PLCL2: variants seen among roughly 807,000 people sequenced by gnomAD.
The protein encoded by PLCL2 is inactive phospholipase C-like protein 2.
PLCL2 carries 4 observed loss-of-function variants against 79.6 expected under a neutral mutation model. The ratio of observed to expected loss-of-function variants is 0.05; its 90% CI spans 0.02 to 0.11. PLCL2 has a LOEUF of 0.11. PLCL2 is among the 10% of genes least tolerant of loss of function. The pLI is 1.00. For missense variants in PLCL2, 895 were observed against 1,291.0 expected (o/e 0.69, Z 4.70); for synonymous variants, 484 against 457.7 (o/e 1.06, Z -0.73).
At chr3:16,977,262 G>C in intron 1 of PLCL2, among the ~76,000 whole-genome samples, 1 of 151,950 alleles carries the variant, frequency 6.6e-6, no homozygotes. Flanking sequence ...GTATATCCTA[G>C]AACATAGTCC....
At position 16,887,253 on chromosome 3, in the gene PLCL2, T is replaced by C. The variant is rs1696247491; in HGVS notation, c.327+1887T>C. On this transcript the variant is annotated intron_variant, in intron 1 of 5. Coordinates refer to ENST00000615277, the MANE Select transcript of PLCL2 (RefSeq NM_001144382.2). This position sits in a 1 kb window ranked among gnomAD's most constrained non-coding sequence, Gnocchi z 4.1. ...TAAGGATATTTTGTCATTTTTCTTCTTTGTAAAGAAAGCATTTGGCTTCTT... is the reference window on the plus strand; with the variant it reads ...TAAGGATATTTTGTCATTTTTCTTCCTTGTAAAGAAAGCATTTGGCTTCTT... Among the ~76,000 whole-genome samples, 1 of 152,236 alleles carries C rather than the reference T, an allele frequency of 6.6e-6. No homozygotes were observed.
At chr3:17,040,382 G>A (rs2064707402) in intron 3 of PLCL2, among the ~76,000 whole-genome samples, 1 of 152,152 alleles carries the variant, frequency 6.6e-6, no homozygotes, top group African/African-American at 2.4e-5. Flanking sequence ...ACTTAAACTG[G>A]AAGATGATTC....
intron 4 of PLCL2, among the ~76,000 whole-genome samples, chr3:17,050,328 A>G (rs1007447872): frequency 6.6e-6 from 1 of 152,210 alleles, no homozygotes; most frequent in African/African-American, 2.4e-5. Flanking sequence ...ATGGGATCAC[A>G]TCAAGTTAAA....
rs536667295 is a variant in PLCL2 at position 17,060,862 on chromosome 3, T to A, written c.3095-7094T>A. On this transcript the variant is annotated intron_variant, in intron 4 of 5. Coordinates refer to ENST00000615277, the MANE Select transcript of PLCL2 (RefSeq NM_001144382.2). Reference sequence around the variant, plus strand: ...TGGAAATAAATTAAAAATATAAATATATATTTTGTCACCATTTAAAAGATT... The same window carrying A: ...TGGAAATAAATTAAAAATATAAATAAATATTTTGTCACCATTTAAAAGATT... Among the ~76,000 whole-genome samples, 7 of 152,256 alleles carry A rather than the reference T, an allele frequency of 4.6e-5. No individual in the cohort carries two copies. The South Asian group carries it at 1.2e-3, about 27-fold the overall frequency.
intron 3 of PLCL2, among the ~76,000 whole-genome samples, chr3:17,023,200 C>T (rs1559522573): frequency 6.6e-6 from 1 of 152,208 alleles, no homozygotes; most frequent in African/African-American, 2.4e-5. Flanking sequence ...TCTCTGTTCT[C>T]TCGTCAAGAA....
chr3:16,935,090 T>G (rs1697508549), intron 1 of PLCL2, among the ~76,000 whole-genome samples: 1 of 152,246 alleles, frequency 6.6e-6, no homozygotes, highest in African/African-American at 2.4e-5. Context: ...CGCTTTGAAT[T>G]GACACCAATC....
rs1402435762 is a variant in PLCL2, at chr3:17,009,095, C to A, written c.328-579C>A. ...TGCCTCACGGATTCAAACGATTCTCCTGCCTCAGCCTCCCGAGTAGGTGGG... is the reference window on the plus strand; with the variant it reads ...TGCCTCACGGATTCAAACGATTCTCATGCCTCAGCCTCCCGAGTAGGTGGG... On this transcript the variant is annotated intron_variant, in intron 1 of 5. Coordinates refer to ENST00000615277, the MANE Select transcript of PLCL2 (RefSeq NM_001144382.2). The surrounding 1 kb of genome is among the most constrained non-coding windows in gnomAD (Gnocchi z 4.0). Among the ~76,000 whole-genome samples the A allele has an allele frequency of 6.6e-6, 1 of 152,116 alleles. No individual in the cohort carries two copies. The highest frequency in any genetic ancestry group is 2.4e-5 in the African/African-American group (1 of 41,416).
intron 1 of PLCL2, among the ~76,000 whole-genome samples, chr3:16,968,931 T>C (rs1363944918): frequency 3.9e-5 from 6 of 152,146 alleles, no homozygotes; most frequent in African/African-American, 1.4e-4. Context: ...TTTCAAAGCC[T>C]AGTTTATGGA....
intron 4 of PLCL2, among the ~76,000 whole-genome samples, chr3:17,066,133 A>G (rs2065009562): frequency 6.6e-6 from 1 of 152,088 alleles, no homozygotes; most frequent in South Asian, 2.1e-4. Context: ...TGTGTGTGGC[A>G]TTGGGGTGGA....
intron 4 of PLCL2, among the ~76,000 whole-genome samples, chr3:17,053,566 TC>T (rs917084009): frequency 2.0e-5 from 3 of 152,058 alleles, no homozygotes; most frequent in Non-Finnish European, 2.9e-5. Context: ...TTCCCAATAA[TC>T]CCCCAAAGTC....
At chr3:16,897,429 A>G (rs1696508901) in intron 1 of PLCL2, among the ~76,000 whole-genome samples, 1 of 152,028 alleles carries the variant, frequency 6.6e-6, no homozygotes, top group African/African-American at 2.4e-5. Context: ...CTCACAAGAG[A>G]AACTATATAG....
At chr3:17,075,723 A>C (rs2065103349) in intron 5 of PLCL2, among the ~76,000 whole-genome samples, 1 of 152,118 alleles carries the variant, frequency 6.6e-6, no homozygotes, top group African/African-American at 2.4e-5. Flanking sequence ...TCTCATTTCT[A>C]TCTCTATAGT....
At chr3:17,044,289 T>A (rs1270997159) in intron 4 of PLCL2, 1 of 152,308 alleles carries the variant, frequency 6.6e-6, no homozygotes, top group African/African-American at 2.4e-5. Context: ...TTGGGCTGCC[T>A]GTCCCCATTC....
chr3:17,046,198 G>A (rs1040905698), intron 4 of PLCL2, among the ~76,000 whole-genome samples: 8 of 152,298 alleles, frequency 5.3e-5, no homozygotes, highest in South Asian at 2.1e-4. Context: ...AACACCAGCA[G>A]GAGAGCTGAA....
At chr3:17,022,710 C>G (rs2064469257) in intron 3 of PLCL2, among the ~76,000 whole-genome samples, 1 of 152,144 alleles carries the variant, frequency 6.6e-6, no homozygotes. Context: ...GGAGGCAATG[C>G]TGGCTGACTT....
chr3:16,964,726 A>T (rs1019759025), intron 1 of PLCL2, among the ~76,000 whole-genome samples: 2 of 151,840 alleles, frequency 1.3e-5, no homozygotes, highest in Non-Finnish European at 2.9e-5. Flanking sequence ...CTGGTGTGAG[A>T]TGGTATCTCA....
At chr3:17,017,286 G>A (rs1427111256) in intron 3 of PLCL2, among the ~76,000 whole-genome samples, 1 of 152,104 alleles carries the variant, frequency 6.6e-6, no homozygotes, top group Non-Finnish European at 1.5e-5. Context: ...CTTTTATAAT[G>A]TATAATTGAA....
Position 17,014,946 on chromosome 3 carries a change from TGA to T in PLCL2, c.3018+42_3018+43del, listed in dbSNP as rs2064368309. ...CCTTTGTCCGTTTACATAGCCTGGG[TGA>T]GAGAGATATCCTAAGACAACACAGC... On this transcript the variant is annotated intron_variant, in intron 3 of 5. Transcript: ENST00000615277. 5.2e-6 allele frequency: 8 copies of T among 1,532,356 alleles called. No individual in the cohort carries two copies. In the African/African-American group the frequency reaches 9.5e-5, roughly 18 times the overall value. 94.9% of individuals were successfully genotyped at this position (1,532,356 alleles called of 1,614,324 possible).
intron 1 of PLCL2, among the ~76,000 whole-genome samples, chr3:16,912,904 C>G (rs148224491): frequency 1.3e-5 from 2 of 152,282 alleles, no homozygotes; most frequent in East Asian, 3.9e-4. Flanking sequence ...ACATCTGTCC[C>G]ATTGTTTCTG....
Sources: gnomAD v4.1 joint callset for allele counts (sites outside exome capture counted in the v4.1 genomes callset) on GRCh38, gnomAD v4.1.1 for gene constraint, Gnocchi (gnomAD v3.1) non-coding constraint, MANE v1.5 for transcripts, NCBI Gene and HGNC (gene_info 2026-07-23, HGNC 2026-07-21) for gene names.